Variants in RTL4 observed in about 807,000 individuals in gnomAD.
RTL4 encodes retrotransposon Gag like 4, also known as retrotransposon Gag-like protein 4.
A neutral mutation model predicts 5.3 loss-of-function variants in RTL4; 4 were observed. The ratio of observed to expected loss-of-function variants is 0.75; its 90% confidence interval spans 0.37 to 1.72. RTL4 has a LOEUF of 1.72. RTL4 is among the 40% of genes most tolerant of loss of function. The pLI, the probability that RTL4 is intolerant of heterozygous loss-of-function variation, is 0.04. For synonymous variants in RTL4, 98 were observed against 87.3 expected (o/e 1.12, Z -0.68); for missense variants, 260 against 227.1 (o/e 1.14, Z -0.93).
the RTL4 span, among the ~76,000 whole-genome samples, chrX:112,350,909 C>G: frequency 3.6e-5 from 4 of 111,226 alleles, no homozygotes; most frequent in African/African-American, 1.3e-4. Flanking sequence ...CTTCTGCTAG[C>G]TTTTGAATGT....
At chrX:112,455,720 T>G in exon 1 of RTL4, 4 of 1,054,776 alleles carry the variant, frequency 3.8e-6, no homozygotes, top group Non-Finnish European at 5.1e-6. Flanking sequence ...ATTTATAACC[T>G]GCATTAACTT....
the RTL4 span, among the ~76,000 whole-genome samples, chrX:112,234,981 G>A: frequency 9.0e-6 from 1 of 111,216 alleles, no homozygotes; most frequent in African/African-American, 3.3e-5. Flanking sequence ...TGGCTGCTTA[G>A]GTGTGTTTGG....
the RTL4 span, among the ~76,000 whole-genome samples, chrX:112,103,446 C>T: frequency 9.0e-6 from 1 of 110,658 alleles, no homozygotes; most frequent in Non-Finnish European, 1.9e-5. Context: ...GGAGGGAGAG[C>T]CTCAGAAAGA....
At chrX:112,397,122 G>A in the RTL4 span, among the ~76,000 whole-genome samples, 1 of 111,701 alleles carries the variant, frequency 9.0e-6, no homozygotes, top group Non-Finnish European at 1.9e-5. Flanking sequence ...AAGGTGTGGA[G>A]CGTCTACATA....
the RTL4 span, among the ~76,000 whole-genome samples, chrX:112,418,754 G>T: frequency 9.1e-6 from 1 of 109,838 alleles, no homozygotes; most frequent in South Asian, 3.9e-4. Context: ...AAATTAGCAT[G>T]CAAATACTGG....
chrX:112,182,689 T>A, the RTL4 span, among the ~76,000 whole-genome samples: 1 of 112,218 alleles, frequency 8.9e-6, no homozygotes, highest in Middle Eastern at 4.6e-3. Flanking sequence ...AACCTACATT[T>A]GATTGGTATA....
At chrX:112,204,981 G>T in the RTL4 span, among the ~76,000 whole-genome samples, 1 of 111,468 alleles carries the variant, frequency 9.0e-6, no homozygotes, top group Non-Finnish European at 1.9e-5. Flanking sequence ...CATATTCATG[G>T]TTTGTATGTA....
the RTL4 span, among the ~76,000 whole-genome samples, chrX:112,343,184 G>A: frequency 8.9e-6 from 1 of 112,298 alleles, no homozygotes; most frequent in Non-Finnish European, 1.9e-5. Context: ...TACCTAACAA[G>A]TCCAAATGTC....
At chrX:112,326,565 A>G in the RTL4 span, among the ~76,000 whole-genome samples, 21 of 112,040 alleles carry the variant, frequency 1.9e-4, no homozygotes, top group African/African-American at 6.2e-4. Flanking sequence ...GCAAGGTGGC[A>G]GCGAGGCTGG....
the RTL4 span, among the ~76,000 whole-genome samples, chrX:112,448,521 A>G: frequency 7.2e-5 from 8 of 111,602 alleles, no homozygotes; most frequent in African/African-American, 9.8e-5. Flanking sequence ...AAGTTATAGA[A>G]TCTATGGGTT....
chrX:112,179,621 A>G, the RTL4 span, among the ~76,000 whole-genome samples: 2 of 112,075 alleles, frequency 1.8e-5, no homozygotes, highest in African/African-American at 3.2e-5. Context: ...AGCAGGTATC[A>G]CTCATTCATT....
At chrX:112,443,423 CT>C in the RTL4 span, among the ~76,000 whole-genome samples, 1 of 111,538 alleles carries the variant, frequency 9.0e-6, no homozygotes, top group Non-Finnish European at 1.9e-5. Flanking sequence ...CCTCCTTATA[CT>C]GATTCTTTTT....
At chrX:112,226,652 G>GTAAT in the RTL4 span, among the ~76,000 whole-genome samples, 1 of 110,778 alleles carries the variant, frequency 9.0e-6, no homozygotes, top group Non-Finnish European at 1.9e-5. Context: ...AAGATTAGTA[G>GTAAT]TAATTTATGG....
the RTL4 span, among the ~76,000 whole-genome samples, chrX:112,273,695 G>A: frequency 2.7e-5 from 3 of 111,779 alleles, no homozygotes; most frequent in African/African-American, 9.8e-5. Context: ...GCAGAGTGGG[G>A]TGGTTAAGAT....
chrX:112,335,689 A>G, the RTL4 span, among the ~76,000 whole-genome samples: 4 of 110,187 alleles, frequency 3.6e-5, no homozygotes, highest in African/African-American at 9.8e-5. Context: ...ATCTTTCTTA[A>G]TTCGATTTTC....
the RTL4 span, among the ~76,000 whole-genome samples, chrX:112,127,360 CAA>C: frequency 3.6e-5 from 4 of 110,062 alleles, no homozygotes; most frequent in Non-Finnish European, 5.7e-5. Flanking sequence ...AAGCACTTGT[CAA>C]AATTCAACAA....
the RTL4 span, among the ~76,000 whole-genome samples, chrX:112,290,722 T>C: frequency 8.9e-6 from 1 of 111,854 alleles, no homozygotes; most frequent in African/African-American, 3.3e-5. Context: ...TAATATAATA[T>C]TTAGCACAGA....
At chrX:112,140,918 G>A in the RTL4 span, among the ~76,000 whole-genome samples, 2 of 112,295 alleles carry the variant, frequency 1.8e-5, no homozygotes, top group African/African-American at 6.5e-5. Flanking sequence ...CTGTAGCCAA[G>A]TTCTGTCCCT....
the RTL4 span, among the ~76,000 whole-genome samples, chrX:112,268,548 G>A: frequency 9.0e-6 from 1 of 111,603 alleles, no homozygotes; most frequent in African/African-American, 3.3e-5. Flanking sequence ...GCTACTAGCA[G>A]AGCAATTGCA....
Sources: gnomAD v4.1 joint callset for allele counts (sites outside exome capture counted in the v4.1 genomes callset) on GRCh38, gnomAD v4.1.1 for gene constraint, MANE v1.5 for transcripts, NCBI Gene and HGNC (gene_info 2026-07-23, HGNC 2026-07-21) for gene names.